Variants in PDE4B observed in about 807,000 individuals in gnomAD.
PDE4B encodes the protein 3',5'-cyclic-AMP phosphodiesterase 4B.
A neutral mutation model predicts 82.2 loss-of-function variants in PDE4B; 20 were observed. That is an observed-to-expected ratio of 0.24 (90% CI 0.17 to 0.35). PDE4B has a LOEUF of 0.35. PDE4B is among the 10% of genes least tolerant of loss of function. The pLI, the probability that PDE4B is intolerant of heterozygous loss-of-function variation, is 1.00. For synonymous variants in PDE4B, 320 were observed against 318.9 expected, an observed-to-expected ratio of 1.00 and a Z score of -0.04; for missense variants, 655 against 907.2, an observed-to-expected ratio of 0.72 and a Z score of 3.57.
intron 3 of PDE4B, among the ~76,000 whole-genome samples, chr1:66,235,173 G>A (rs575824806): frequency 2.6e-4 from 39 of 152,204 alleles, no homozygotes; most frequent in South Asian, 8.3e-4. Context: ...AGACTAGAAC[G>A]TCAGCTATTT....
At chr1:65,983,336 T>C (rs1650786459) in intron 3 of PDE4B, among the ~76,000 whole-genome samples, 1 of 152,116 alleles carries the variant, frequency 6.6e-6, no homozygotes, top group Admixed American at 6.6e-5. Context: ...TTGGAGGTGT[T>C]GTGATGGGGT....
chr1:66,235,289 G>T (rs1212211219), intron 3 of PDE4B, among the ~76,000 whole-genome samples: 1 of 152,012 alleles, frequency 6.6e-6, no homozygotes, highest in African/African-American at 2.4e-5. Flanking sequence ...CTGTCTATTT[G>T]TTCCATCAAT....
intron 7 of PDE4B, chr1:66,266,619 T>G: frequency 2.2e-6 from 1 of 460,824 alleles, no homozygotes; most frequent in Non-Finnish European, 4.4e-6. Context: ...CTCAACGGTG[T>G]TTTGTTTTGT....
chr1:66,232,455 C>T (rs999229641), intron 3 of PDE4B, among the ~76,000 whole-genome samples: 2 of 152,088 alleles, frequency 1.3e-5, no homozygotes, highest in African/African-American at 2.4e-5. Context: ...TTCTGTAGTT[C>T]TCATTGTTTT....
At chr1:66,040,291 C>T (rs138544519) in intron 3 of PDE4B, among the ~76,000 whole-genome samples, 115 of 152,078 alleles carry the variant, frequency 7.6e-4, no homozygotes, top group African/African-American at 2.5e-3. Context: ...GAAACAATAA[C>T]CCTATTTTAT....
chr1:66,014,108 C>T (rs1040018672), intron 3 of PDE4B, among the ~76,000 whole-genome samples: 1 of 151,918 alleles, frequency 6.6e-6, no homozygotes, highest in Non-Finnish European at 1.5e-5. Context: ...TGGAAAATGT[C>T]TGTTTAAGTC....
chr1:66,208,886 C>T (rs115525251), intron 3 of PDE4B, among the ~76,000 whole-genome samples: 1,558 of 152,164 alleles, frequency 0.01, 25 homozygotes, highest in African/African-American at 0.036. Context: ...GTATACACTC[C>T]CATTTACAGA....
intron 3 of PDE4B, among the ~76,000 whole-genome samples, chr1:66,005,099 G>A (rs189020671): frequency 9.2e-5 from 14 of 152,054 alleles, no homozygotes; most frequent in Admixed American, 4.6e-4. Context: ...CTTAAGTGCC[G>A]CAGGTGTATT....
At chr1:65,825,171 T>C (rs192921336) in intron 1 of PDE4B, among the ~76,000 whole-genome samples, 1 of 152,202 alleles carries the variant, frequency 6.6e-6, no homozygotes, top group Admixed American at 6.5e-5. Context: ...AAAGATAATT[T>C]GCTTCCCAAG....
At chr1:65,967,819 T>C (rs1165617807) in intron 3 of PDE4B, among the ~76,000 whole-genome samples, 3 of 151,984 alleles carry the variant, frequency 2.0e-5, no homozygotes, top group Non-Finnish European at 4.4e-5. Flanking sequence ...AGTTGAACGA[T>C]GAAAACACAT....
chr1:66,295,674 C>T (rs1379589005), intron 7 of PDE4B, among the ~76,000 whole-genome samples: 1 of 152,140 alleles, frequency 6.6e-6, no homozygotes, highest in East Asian at 1.9e-4. Flanking sequence ...AGTGATCCTC[C>T]CATTTCAAAG....
chr1:65,947,519 C>T (rs1461188880), intron 3 of PDE4B, among the ~76,000 whole-genome samples: 1 of 152,026 alleles, frequency 6.6e-6, no homozygotes, highest in East Asian at 1.9e-4. Context: ...GTCCTATCCC[C>T]TGGTATCTAT....
intron 3 of PDE4B, among the ~76,000 whole-genome samples, chr1:66,168,672 T>A (rs1646782317): frequency 6.6e-6 from 1 of 152,172 alleles, no homozygotes; most frequent in Admixed American, 6.6e-5. Flanking sequence ...GGAGGCCAAC[T>A]GGAAGATGTT....
chr1:66,066,119 T>C (rs1356546931), intron 3 of PDE4B, among the ~76,000 whole-genome samples: 3 of 151,568 alleles, frequency 2.0e-5, no homozygotes, highest in Non-Finnish European at 4.4e-5. Context: ...ATAAATAATT[T>C]ATATGTATTT....
intron 3 of PDE4B, among the ~76,000 whole-genome samples, chr1:66,163,421 A>C (rs1646657601): frequency 6.6e-6 from 1 of 152,146 alleles, no homozygotes; most frequent in Admixed American, 6.5e-5. Flanking sequence ...CTCTATAATA[A>C]TGTATAAAAG....
chr1:65,807,550 A>G (rs1474381585), intron 1 of PDE4B, among the ~76,000 whole-genome samples: 3 of 152,196 alleles, frequency 2.0e-5, no homozygotes, highest in Non-Finnish European at 4.4e-5. Flanking sequence ...CTTTTCTTCC[A>G]GAAAGTGTAT....
intron 7 of PDE4B, among the ~76,000 whole-genome samples, chr1:66,320,347 CA>C (rs2101889458): frequency 6.6e-6 from 1 of 152,232 alleles, no homozygotes; most frequent in East Asian, 1.9e-4. Flanking sequence ...TCCAAATCTG[CA>C]AGTGATTTTG....
At chr1:66,222,294 A>C (rs920250722) in intron 3 of PDE4B, among the ~76,000 whole-genome samples, 3 of 152,206 alleles carry the variant, frequency 2.0e-5, no homozygotes, top group African/African-American at 7.2e-5. Context: ...ACTTAATCAC[A>C]TGGCTACACT....
Position 65,807,263 on chromosome 1 carries a change from G to T in PDE4B, c.-71+14015G>T, listed in dbSNP as rs150790331. ...AGCTGTCCCTCTGCATAGATTCACA[G>T]ATTCACAATTATATTATACACATCG... On this transcript the variant is annotated intron_variant, in intron 1 of 16. Transcript: ENST00000341517. Among the ~76,000 whole-genome samples, 569 of 152,246 alleles carry T rather than the reference G, an allele frequency of 3.7e-3. 4 individuals are homozygous for T. Among genetic ancestry groups the T allele is most frequent in the African/African-American group, 0.013 (535 of 41,528 alleles).
Sources: gnomAD v4.1 joint callset for allele counts (sites outside exome capture counted in the v4.1 genomes callset) on GRCh38, gnomAD v4.1.1 for gene constraint, MANE v1.5 for transcripts, NCBI Gene and HGNC (gene_info 2026-07-23, HGNC 2026-07-21) for gene names.